Variants in CAPN8 observed in about 807,000 individuals in gnomAD.
CAPN8 encodes calpain-8.
CAPN8 carries 87 observed loss-of-function variants against 80.9 expected under a neutral mutation model. That is an observed-to-expected ratio of 1.07 (90% CI 0.90 to 1.28). The LOEUF (loss-of-function observed/expected upper bound fraction) is 1.28, where lower values mean the gene tolerates loss of function less well. Among genes scored for constraint, CAPN8 ranks in the 50% most tolerant of loss-of-function variants. The pLI is 0.00. For synonymous variants in CAPN8, 299 were observed against 273.8 expected (o/e 1.09, Z -0.91); for missense variants, 757 against 702.0 (o/e 1.08, Z -0.89).
At chr1:223,618,719 C>T (rs371946206) in intron 9 of CAPN8, among the ~76,000 whole-genome samples, 7 of 152,182 alleles carry the variant, frequency 4.6e-5, no homozygotes, top group Admixed American at 6.5e-5. Context: ...ACGTCCTTTG[C>T]GGGCAGGGCA....
chr1:223,619,543 C>T, intron 8 of CAPN8, 90 bp from the exon 9 acceptor site: 1 of 1,408,276 alleles, frequency 7.1e-7, no homozygotes, highest in Admixed American at 2.1e-5. Flanking sequence ...AGCCCTGTGG[C>T]ACAGGCCCTA....
rs191460181 is a variant in CAPN8 at position 223,618,400 on chromosome 1, T to A, written c.1135+893A>T. On this transcript the variant is annotated intron_variant, in intron 9 of 20. Coordinates refer to ENST00000366872, the MANE Select transcript of CAPN8 (RefSeq NM_001143962.2). The stretch of plus-strand genomic sequence containing the variant: ...TTGCACCATACTATCTCCACCAGGG[T>A]CTGAGTCCCCATGACACGCATGCCC... 1.5e-4 allele frequency: 204 copies of A among 1,369,458 alleles called. No homozygotes were observed. The African/African-American group carries it at 2.7e-3, about 18-fold the overall frequency. 84.8% of individuals were successfully genotyped at this position (1,369,458 alleles called of 1,614,324 possible).
At position 223,656,674 on chromosome 1, in the gene CAPN8, TTGTTTTG is replaced by T. The variant is rs1477762819; in HGVS notation, c.238-2282_238-2276del. On this transcript the variant is annotated intron_variant, in intron 1 of 20. Coordinates refer to ENST00000366872, the MANE Select transcript of CAPN8 (RefSeq NM_001143962.2). ...GTACATACACACGTTTTGGGTTTTT[TTGTTTTG>T]TTTTTTTTTTTTTTTTTTTTGAGAC... Among the ~76,000 whole-genome samples the T allele has an allele frequency of 7.8e-4, 60 of 76,958 alleles. 5 individuals carry two copies. The highest frequency in any genetic ancestry group is 1.4e-3 in the East Asian group (3 of 2,206). 50.5% of individuals were successfully genotyped at this position (76,958 alleles called of 152,430 possible). A position where few individuals can be genotyped will look rare whatever the true frequency, so the allele number is the denominator to read the frequency against.
chr1:223,626,019 A>C (rs546566363), intron 5 of CAPN8, 131 bp from the exon 6 acceptor site: 2 of 659,888 alleles, frequency 3.0e-6, no homozygotes, highest in Non-Finnish European at 5.4e-6. Flanking sequence ...AGGCATGGCT[A>C]TGAACCTCAG....
intron 2 of CAPN8, among the ~76,000 whole-genome samples, chr1:223,644,727 T>C (rs1248154346): frequency 6.6e-6 from 1 of 152,124 alleles, no homozygotes; most frequent in Non-Finnish European, 1.5e-5. Context: ...CAGCTCGAGC[T>C]AGGTGATGGC....
intron 2 of CAPN8, among the ~76,000 whole-genome samples, chr1:223,629,639 C>A (rs1295659211): frequency 4.6e-5 from 7 of 152,216 alleles, no homozygotes; most frequent in Non-Finnish European, 1.0e-4. Flanking sequence ...TATGGCGAAT[C>A]TATCATCCTA....
rs1656579404 is a variant in CAPN8, at chr1:223,544,934, C to T, written c.1834-84G>A. 5 of 1,543,772 alleles carry T rather than the reference C, an allele frequency of 3.2e-6. No homozygotes were observed. In the East Asian group the frequency reaches 1.2e-4, roughly 38 times the overall value. On this transcript the variant is annotated intron_variant, in intron 17 of 20. Transcript: ENST00000366872. ...ATCTCCCTCCACCACACTGCTTTCT[C>T]AAAAGGCCAGGGACACTTTCAAAAG...
chr1:223,657,334 G>T (rs1026672987), intron 1 of CAPN8, among the ~76,000 whole-genome samples: 1 of 151,818 alleles, frequency 6.6e-6, no homozygotes, highest in Non-Finnish European at 1.5e-5. Context: ...AGAGTAATAA[G>T]TAAAAAGAAA....
rs950398934 is a variant in CAPN8 at position 223,642,074 on chromosome 1, G to T, written c.307+12256C>A. On this transcript the variant is annotated intron_variant, in intron 2 of 20. Transcript: ENST00000366872. Reference sequence around the variant, plus strand: ...CTCCTTTTAGAGTGGATGATGGCAAGCTACCAGTGTTCTAGAAGCAAGATT... The same window carrying T: ...CTCCTTTTAGAGTGGATGATGGCAATCTACCAGTGTTCTAGAAGCAAGATT... Among the ~76,000 whole-genome samples the T allele has an allele frequency of 2.0e-5, 3 of 152,280 alleles. No homozygotes were observed. The East Asian group carries it at 5.8e-4, about 29-fold the overall frequency.
rs183437690 is a variant in CAPN8 at position 223,649,181 on chromosome 1, A to G, written c.307+5149T>C. 5.3e-3 allele frequency among the ~76,000 whole-genome samples: 803 copies of G among 152,372 alleles called. 4 individuals carry two copies. Among genetic ancestry groups the G allele is most frequent in the Non-Finnish European group, 7.4e-3 (504 of 68,038 alleles). ...CTACTTTTATACAGTAGCATCGCTC[A>G]TGTGGCCTCTGGGACTATTTACACA... On this transcript the variant is annotated intron_variant, in intron 2 of 20. Transcript: ENST00000366872.
chr1:223,623,871 G>C (rs952726146), intron 6 of CAPN8, among the ~76,000 whole-genome samples: 2 of 151,818 alleles, frequency 1.3e-5, no homozygotes, highest in African/African-American at 4.8e-5. Context: ...GTGGTGGCGC[G>C]TGCCTGTAAT....
intron 2 of CAPN8, among the ~76,000 whole-genome samples, chr1:223,647,709 C>T (rs1251876094): frequency 6.6e-6 from 1 of 152,010 alleles, no homozygotes; most frequent in African/African-American, 2.4e-5. Context: ...AGGAAGGACC[C>T]CTTTGGCAAA....
intron 10 of CAPN8, among the ~76,000 whole-genome samples, chr1:223,615,235 T>TTTTCCCAA (rs1253352654): frequency 4.6e-5 from 7 of 152,198 alleles, no homozygotes; most frequent in Non-Finnish European, 5.9e-5. Flanking sequence ...TTAATAAAAT[T>TTTTCCCAA]GATTTAAAAA....
chr1:223,633,154 CT>C (rs1657821336), intron 2 of CAPN8, among the ~76,000 whole-genome samples: 1 of 152,194 alleles, frequency 6.6e-6, no homozygotes, highest in Non-Finnish European at 1.5e-5. Flanking sequence ...CCTATTTATG[CT>C]TCTTGTAGCC....
Position 223,654,411 on chromosome 1 carries a change from T to C in CAPN8, c.238-12A>G. ...CTGGGACACAACTCCTGAAAGTAAT[T>C]TGGAACAAAACACAAGTCACAAGGT... On this transcript the variant is annotated splice_polypyrimidine_tract_variant and intron_variant, in intron 1 of 20. Transcript: ENST00000366872. 6.4e-7 allele frequency: 1 copy of C among 1,551,440 alleles called. No homozygotes were observed. Among genetic ancestry groups the C allele is most frequent in the Non-Finnish European group, 8.7e-7 (1 of 1,146,842 alleles).
chr1:223,646,039 C>T (rs12036952), intron 2 of CAPN8, among the ~76,000 whole-genome samples: 6 of 152,186 alleles, frequency 3.9e-5, no homozygotes, highest in African/African-American at 1.4e-4. Flanking sequence ...ATAGACTGCA[C>T]TCTGTACAGG....
chr1:223,654,369 C>T lies in CAPN8; in HGVS notation c.268G>A (p.Gly90Ser), dbSNP rs2102735928. Residue 90 changes from glycine (G) to serine (S), a missense_variant, in exon 2 of 21, where the codon GGT becomes AGT. Coordinates refer to ENST00000366872, the MANE Select transcript of CAPN8 (RefSeq NM_001143962.2). The stretch of plus-strand genomic sequence containing the variant: ...CAAATGTCTGTGCGCGTGGCTCCAC[C>T]AACGATAAACTGAGGGCTGGGACAC... ...ELCPSPQFIVGGATRTDICQG... is the reference protein window; with the variant it reads ...ELCPSPQFIVSGATRTDICQG... 1.3e-6 allele frequency: 2 copies of T among 1,551,694 alleles called. No homozygotes were observed. Among genetic ancestry groups the T allele is most frequent in the Middle Eastern group, 1.7e-4 (1 of 5,992 alleles).
At chr1:223,628,807 T>C (rs775904684) in intron 2 of CAPN8, 27 bp from the exon 3 acceptor site, 30 of 1,535,778 alleles carry the variant, frequency 2.0e-5, no homozygotes, top group Non-Finnish European at 2.4e-5. Context: ...GGGACACAGA[T>C]TGGTCAGGCC....
At chr1:223,551,938 A>G (rs76423313) in intron 14 of CAPN8, among the ~76,000 whole-genome samples, 2,390 of 152,272 alleles carry the variant, frequency 0.016, 68 homozygotes, top group African/African-American at 0.055. Flanking sequence ...GCAGAGATTG[A>G]GAGAATAGCA....
Sources: gnomAD v4.1 joint callset for allele counts (sites outside exome capture counted in the v4.1 genomes callset) on GRCh38, gnomAD v4.1.1 for gene constraint, MANE v1.5 for transcripts, NCBI Gene and HGNC (gene_info 2026-07-23, HGNC 2026-07-21) for gene names.